The following KANSL1L variants were observed in gnomAD, a reference collection of about 807,000 sequenced individuals.
The protein encoded by KANSL1L is KAT8 regulatory NSL complex subunit 1 like.
A neutral mutation model predicts 108.6 loss-of-function variants in KANSL1L; 25 were observed. That is an observed-to-expected ratio of 0.23 (90% CI 0.17 to 0.32). KANSL1L has a LOEUF of 0.32. KANSL1L is among the 10% of genes least tolerant of loss of function. The pLI is 1.00. For missense variants in KANSL1L, 1,137 were observed against 1,125.7 expected (o/e 1.01, Z -0.14); for synonymous variants, 405 against 395.1 (o/e 1.03, Z -0.30).
At chr2:210,080,822 T>C (rs1251604299) in intron 5 of KANSL1L, among the ~76,000 whole-genome samples, 1 of 151,898 alleles carries the variant, frequency 6.6e-6, no homozygotes, top group Non-Finnish European at 1.5e-5. Context: ...CTTATCTGCT[T>C]GTGGCTGGGC....
At chr2:210,112,864 T>C (rs1484210222) in intron 3 of KANSL1L, among the ~76,000 whole-genome samples, 1 of 152,174 alleles carries the variant, frequency 6.6e-6, no homozygotes, top group Non-Finnish European at 1.5e-5. Flanking sequence ...ACTGAAGACT[T>C]GCAAGTTCAA....
intron 6 of KANSL1L, among the ~76,000 whole-genome samples, chr2:210,063,343 G>A (rs1021557211): frequency 6.6e-6 from 1 of 152,246 alleles, no homozygotes; most frequent in African/African-American, 2.4e-5. Context: ...GTGCAGAAGG[G>A]AAATGTGGGG....
chr2:210,115,775 A>T (rs1361429798), intron 3 of KANSL1L, among the ~76,000 whole-genome samples: 1 of 152,144 alleles, frequency 6.6e-6, no homozygotes, highest in Non-Finnish European at 1.5e-5. Context: ...CTTTCCTTCT[A>T]CCAATCACCT....
intron 6 of KANSL1L, among the ~76,000 whole-genome samples, chr2:210,073,774 A>AACACACACAC (rs372708042): frequency 2.9e-4 from 41 of 142,006 alleles, no homozygotes; most frequent in Admixed American, 1.2e-3. Flanking sequence ...GAAACACACA[A>AACACACACAC]ACACACACAC....
At chr2:210,127,081 A>T (rs1326863588) in intron 3 of KANSL1L, among the ~76,000 whole-genome samples, 1 of 152,132 alleles carries the variant, frequency 6.6e-6, no homozygotes, top group Non-Finnish European at 1.5e-5. Flanking sequence ...AAAAAAACCC[A>T]ATGTGGTACT....
intron 5 of KANSL1L, among the ~76,000 whole-genome samples, chr2:210,078,073 A>G (rs2094554988): frequency 6.6e-6 from 1 of 152,222 alleles, no homozygotes; most frequent in African/African-American, 2.4e-5. Context: ...GCTATATGGT[A>G]TAGCCTCTTG....
At chr2:210,029,488 G>GT (rs35551350) in intron 10 of KANSL1L, among the ~76,000 whole-genome samples, 4 of 152,076 alleles carry the variant, frequency 2.6e-5, no homozygotes, top group Admixed American at 2.6e-4. Flanking sequence ...AACAGGACAA[G>GT]AACAAGAAAG....
chr2:210,034,400 C>T (rs925847786), intron 8 of KANSL1L, among the ~76,000 whole-genome samples: 1 of 151,982 alleles, frequency 6.6e-6, no homozygotes, highest in Admixed American at 6.6e-5. Context: ...GTACAATGGC[C>T]CAAGGGAACA....
At chr2:210,064,817 CAAAAAAA>C (rs1168784210) in intron 6 of KANSL1L, among the ~76,000 whole-genome samples, 2 of 42,260 alleles carry the variant, frequency 4.7e-5, no homozygotes, top group African/African-American at 8.2e-5. Flanking sequence ...CCTCCCCCAC[CAAAAAAA>C]AAAAAAAAAA....
intron 5 of KANSL1L, among the ~76,000 whole-genome samples, chr2:210,093,038 TG>T (rs755242563): frequency 2.6e-5 from 4 of 152,234 alleles, no homozygotes; most frequent in Non-Finnish European, 4.4e-5. Context: ...TTTACTGTAA[TG>T]GCATAGGCCC....
chr2:210,074,489 G>A (rs2094528867), intron 6 of KANSL1L, among the ~76,000 whole-genome samples: 1 of 152,060 alleles, frequency 6.6e-6, no homozygotes, highest in Non-Finnish European at 1.5e-5. Flanking sequence ...CCACCACGCT[G>A]GGCAAATTTT....
intron 4 of KANSL1L, among the ~76,000 whole-genome samples, chr2:210,101,390 T>A (rs547042640): frequency 6.6e-6 from 1 of 152,176 alleles, no homozygotes; most frequent in Non-Finnish European, 1.5e-5. Context: ...ACTGGGGATA[T>A]CAAGGAGAAA....
intron 5 of KANSL1L, among the ~76,000 whole-genome samples, chr2:210,092,403 A>G (rs972617397): frequency 1.3e-5 from 2 of 152,096 alleles, no homozygotes; most frequent in East Asian, 1.9e-4. Context: ...TACTTCTTCT[A>G]TGTCACACAT....
At position 210,031,540 on chromosome 2, in the gene KANSL1L, C is replaced by G. The variant is rs2094016246; in HGVS notation, c.2036G>C (p.Ser679Thr). ...EYIISPSPVH[S>T]TLNQWRNGYS... ...TCCATTTCTCCATTGATTCAGAGTA[C>G]TATGTACTAAAACAAATGAAAAGGA... is the stretch of plus-strand genomic sequence containing the variant. The change falls in exon 9 of 15, where the codon AGT becomes ACT. Residue 679 changes from serine to threonine, a missense_variant. Ser to Thr is a moderately conservative substitution (Grantham distance 58). Transcript: ENST00000281772. 6.6e-7 allele frequency: 1 copy of G among 1,524,342 alleles called. No homozygotes were observed. The highest frequency in any genetic ancestry group is 1.7e-4 in the Middle Eastern group (1 of 5,862). 94.4% of individuals were successfully genotyped at this position (1,524,342 alleles called of 1,614,324 possible).
intron 5 of KANSL1L, among the ~76,000 whole-genome samples, chr2:210,079,646 A>ATATATATGTGTG (rs1559539669): frequency 3.8e-4 from 5 of 13,120 alleles, no homozygotes; most frequent in East Asian, 6.0e-3. Context: ...ATATATATAT[A>ATATATATGTGTG]TATATATATA....
At chr2:210,063,745 T>G (rs1446818906) in intron 6 of KANSL1L, 11 of 151,962 alleles carry the variant, frequency 7.2e-5, no homozygotes, top group Non-Finnish European at 4.4e-5. Flanking sequence ...GTACCCTCAT[T>G]GTATCTATGA....
chr2:210,024,579 T>A (rs1300051502), intron 13 of KANSL1L, among the ~76,000 whole-genome samples: 1 of 152,100 alleles, frequency 6.6e-6, no homozygotes, highest in African/African-American at 2.4e-5. Flanking sequence ...ATAATAAATA[T>A]AAAATAGGAA....
intron 3 of KANSL1L, among the ~76,000 whole-genome samples, chr2:210,111,711 C>CT (rs558766388): frequency 5.3e-5 from 8 of 150,712 alleles, no homozygotes; most frequent in African/African-American, 1.5e-4. Flanking sequence ...CTTTTTTTTT[C>CT]TTTTTTTTAA....
chr2:210,146,128 C>G (rs2095264048), intron 2 of KANSL1L, among the ~76,000 whole-genome samples: 1 of 152,086 alleles, frequency 6.6e-6, no homozygotes, highest in Non-Finnish European at 1.5e-5. Context: ...TACCATTTGC[C>G]TGATACCGGT....
Sources: allele counts gnomAD v4.1 joint callset (sites outside exome capture counted in the v4.1 genomes callset), GRCh38; gene constraint gnomAD v4.1.1; transcripts MANE v1.5; gene names NCBI Gene and HGNC (gene_info 2026-07-23, HGNC 2026-07-21).